The following FER variants were observed in gnomAD, a reference collection of about 807,000 sequenced individuals.
FER encodes the protein FER tyrosine kinase.
A neutral mutation model predicts 111.0 loss-of-function variants in FER; 63 were observed. The ratio of observed to expected loss-of-function variants is 0.57; its 90% CI spans 0.46 to 0.70. FER has a LOEUF of 0.70. FER is among the 30% of genes least tolerant of loss of function. The pLI, the probability that FER is intolerant of heterozygous loss-of-function variation, is 0.00. For missense variants in FER, 914 were observed against 954.0 expected (o/e 0.96, Z 0.55); for synonymous variants, 327 against 313.9 (o/e 1.04, Z -0.44).
chr5:108,793,519 C>CGGGTTG (rs1554065856), intron 2 of FER, among the ~76,000 whole-genome samples: 1 of 103,156 alleles, frequency 9.7e-6, no homozygotes, highest in African/African-American at 4.4e-5. Flanking sequence ...TTTGGCGGGG[C>CGGGTTG]GGGGGGGGTG....
chr5:108,945,940 G>A (rs983806643), intron 10 of FER, among the ~76,000 whole-genome samples, 190 bp from the exon 11 acceptor site: 6 of 151,740 alleles, frequency 4.0e-5, no homozygotes, highest in African/African-American at 1.5e-4. Context: ...TTTGTTGAGG[G>A]GTCAGTAAAG....
intron 13 of FER, among the ~76,000 whole-genome samples, chr5:109,001,376 C>A (rs567722287): frequency 6.6e-6 from 1 of 152,130 alleles, no homozygotes; most frequent in Non-Finnish European, 1.5e-5. Context: ...GAACCAAAGA[C>A]AAAAACCACA....
chr5:109,146,210 TTA>T lies in FER; in HGVS notation c.2049-34525_2049-34524del, dbSNP rs1261270406. Among the ~76,000 whole-genome samples, 53 of 95,310 alleles carry T rather than the reference TTA, an allele frequency of 5.6e-4. 2 individuals carry two copies. Among genetic ancestry groups the T allele is most frequent in the Admixed American group, 2.7e-3 (28 of 10,280 alleles). 62.5% of individuals were successfully genotyped at this position (95,310 alleles called of 152,430 possible). A position where few individuals can be genotyped will look rare whatever the true frequency, so the allele number is the denominator to read the frequency against. ...TACATATATATATAATCTATCTATT[TTA>T]TATATATATATTATCTATCTAATAT... On this transcript the variant is annotated intron_variant, in intron 17 of 19. Coordinates refer to ENST00000281092, the MANE Select transcript of FER (RefSeq NM_005246.4).
intron 13 of FER, among the ~76,000 whole-genome samples, chr5:108,990,683 G>GAC (rs1763063575): frequency 6.6e-6 from 1 of 151,706 alleles, no homozygotes; most frequent in African/African-American, 2.4e-5. Context: ...AAGAGAGAGA[G>GAC]ACACAGAAAA....
chr5:109,000,923 G>GGGA (rs1561750431), intron 13 of FER, among the ~76,000 whole-genome samples: 87 of 152,096 alleles, frequency 5.7e-4, no homozygotes, highest in African/African-American at 2.0e-3. Context: ...ATAAATTCCT[G>GGGA]GACACATACA....
intron 13 of FER, among the ~76,000 whole-genome samples, chr5:108,991,689 T>G (rs1001917176): frequency 6.6e-6 from 1 of 152,142 alleles, no homozygotes; most frequent in Admixed American, 6.5e-5. Context: ...AGTAAGGTTT[T>G]AAGTTTATTC....
rs576087268 is a variant in FER at position 108,878,863 on chromosome 5, T to G, written c.924-4533T>G. 2.0e-5 allele frequency among the ~76,000 whole-genome samples: 3 copies of G among 152,282 alleles called. No individual in the cohort carries two copies. The South Asian group carries it at 6.2e-4, about 32-fold the overall frequency. ...TTTTGAAGCATATATATGGGATAAA[T>G]TCTAGGATGTGTAATTACTAAGACA... On this transcript the variant is annotated intron_variant, in intron 8 of 19. Coordinates refer to ENST00000281092, the MANE Select transcript of FER (RefSeq NM_005246.4).
rs1429113371 is a variant in FER at position 108,893,985 on chromosome 5, T to C, written c.1047-3674T>C. Among the ~76,000 whole-genome samples the C allele has an allele frequency of 5.2e-3, 783 of 150,398 alleles. 4 individuals are homozygous for C. Among genetic ancestry groups the C allele is most frequent in the Non-Finnish European group, 9.3e-3 (630 of 67,380 alleles). On this transcript the variant is annotated intron_variant, in intron 9 of 19. Coordinates refer to ENST00000281092, the MANE Select transcript of FER (RefSeq NM_005246.4). ...GGAAAGAGGTTTTTTTTTTTTTTTT[T>C]CCCCTGCATCATAAATTTTATTCCT... is the stretch of plus-strand genomic sequence containing the variant.
At chr5:109,099,112 C>A in intron 16 of FER, among the ~76,000 whole-genome samples, 1 of 150,970 alleles carries the variant, frequency 6.6e-6, no homozygotes, top group African/African-American at 2.4e-5. Context: ...TATCTGGGGG[C>A]CTAATAGAGA....
At chr5:109,064,481 C>A (rs949167206) in intron 16 of FER, among the ~76,000 whole-genome samples, 7 of 152,162 alleles carry the variant, frequency 4.6e-5, no homozygotes, top group Non-Finnish European at 8.8e-5. Flanking sequence ...ATAACTATTA[C>A]TCTGTCACCT....
At chr5:108,775,720 C>G (rs952345131) in intron 2 of FER, among the ~76,000 whole-genome samples, 9 of 152,018 alleles carry the variant, frequency 5.9e-5, no homozygotes, top group African/African-American at 1.9e-4. Context: ...CCAACACTTT[C>G]AAATTAAGAA....
chr5:109,038,210 A>C lies in FER; in HGVS notation c.1713+732A>C, dbSNP rs183727468. Among the ~76,000 whole-genome samples the C allele has an allele frequency of 1.2e-4, 18 of 152,042 alleles. No individual in the cohort carries two copies. The East Asian group carries it at 3.5e-3, about 29-fold the overall frequency. ...ATTGAGTTCCAATGAATAAGTATTC[A>C]CTTTTTTGTCAGTGACTTAATTAGT... is the stretch of plus-strand genomic sequence containing the variant. On this transcript the variant is annotated intron_variant, in intron 14 of 19. Coordinates refer to ENST00000281092, the MANE Select transcript of FER (RefSeq NM_005246.4).
At chr5:109,048,000 T>G (rs1451405806) in intron 16 of FER, among the ~76,000 whole-genome samples, 1 of 152,198 alleles carries the variant, frequency 6.6e-6, no homozygotes, top group African/African-American at 2.4e-5. Flanking sequence ...GAAGTAAAAT[T>G]TGATCTCATA....
intron 17 of FER, among the ~76,000 whole-genome samples, chr5:109,125,546 A>T (rs981203377): frequency 1.3e-5 from 2 of 152,192 alleles, no homozygotes; most frequent in Admixed American, 6.5e-5. Context: ...CTCACATATA[A>T]CACAGTCTAT....
chr5:108,799,948 T>C (rs970671441), intron 3 of FER, among the ~76,000 whole-genome samples: 1 of 151,860 alleles, frequency 6.6e-6, no homozygotes, highest in East Asian at 1.9e-4. Context: ...GTTCAGGTGA[T>C]TCTTGTGTCT....
chr5:109,032,179 A>T (rs183557617), intron 13 of FER, among the ~76,000 whole-genome samples: 33 of 152,302 alleles, frequency 2.2e-4, no homozygotes, highest in African/African-American at 6.0e-4. Flanking sequence ...TGCATGGCAG[A>T]CTGAGAGAAA....
chr5:109,030,973 G>C (rs551246880), intron 13 of FER, among the ~76,000 whole-genome samples: 2 of 151,970 alleles, frequency 1.3e-5, no homozygotes, highest in African/African-American at 4.8e-5. Context: ...ATTTGTCTGG[G>C]ATCTATCTTC....
At chr5:108,956,063 T>C (rs1205862497) in intron 12 of FER, among the ~76,000 whole-genome samples, 2 of 151,762 alleles carry the variant, frequency 1.3e-5, no homozygotes, top group Non-Finnish European at 3.0e-5. Context: ...CACTATTCGT[T>C]AATTTTTCGT....
chr5:108,781,714 G>A (rs375498190), intron 2 of FER, among the ~76,000 whole-genome samples: 36 of 152,178 alleles, frequency 2.4e-4, no homozygotes, highest in African/African-American at 7.0e-4. Flanking sequence ...CACTATCCCC[G>A]TCTCCCAAGG....
Sources: allele counts gnomAD v4.1 joint callset (sites outside exome capture counted in the v4.1 genomes callset), GRCh38; gene constraint gnomAD v4.1.1; transcripts MANE v1.5; gene names NCBI Gene and HGNC (gene_info 2026-07-23, HGNC 2026-07-21).